PIP5K1B: variants seen among roughly 807,000 people sequenced by gnomAD.
PIP5K1B encodes phosphatidylinositol-4-phosphate 5-kinase type 1 beta, also known as phosphatidylinositol 4-phosphate 5-kinase type-1 beta.
In PIP5K1B, 42 loss-of-function variants were observed where a neutral mutation model predicts 67.0. The observed-to-expected ratio is 0.63, with a 90% confidence interval of 0.49 to 0.81. The LOEUF is 0.81. Ranked by LOEUF, PIP5K1B falls within the 30% of genes least tolerant of loss-of-function variation. The pLI is 0.00. For missense variants in PIP5K1B, 459 were observed against 646.3 expected (o/e 0.71, Z 3.14); for synonymous variants, 214 against 231.4 (o/e 0.92, Z 0.68).
chr9:68,809,808 A>T (rs1833063961), intron 2 of PIP5K1B, among the ~76,000 whole-genome samples: 1 of 152,220 alleles, frequency 6.6e-6, no homozygotes, highest in African/African-American at 2.4e-5. Flanking sequence ...TGACTTATGC[A>T]GTTCCTCCTC....
At chr9:68,995,807 A>AC (rs1830580317) in intron 15 of PIP5K1B, among the ~76,000 whole-genome samples, 1 of 140,444 alleles carries the variant, frequency 7.1e-6, no homozygotes, top group Non-Finnish European at 1.5e-5. Context: ...CTCCGTCTCA[A>AC]AAAAAAAAAA....
rs371968567 is a variant in PIP5K1B at position 68,761,550 on chromosome 9, T to C, written c.-86+18893T>C. ...AAGGCCAAAATTGGTCTCACTGGACTAAAATTAAGATGTCTACAAGGCTGC... is the reference window on the plus strand; with the variant it reads ...AAGGCCAAAATTGGTCTCACTGGACCAAAATTAAGATGTCTACAAGGCTGC... On this transcript the variant is annotated intron_variant, in intron 2 of 15. Transcript: ENST00000265382. 2.1e-4 allele frequency among the ~76,000 whole-genome samples: 32 copies of C among 152,264 alleles called. 1 individual carries two copies. In the East Asian group the frequency reaches 6.0e-3, roughly 28 times the overall value.
chr9:68,875,004 A>G (rs1040072693), intron 5 of PIP5K1B, among the ~76,000 whole-genome samples: 1 of 152,086 alleles, frequency 6.6e-6, no homozygotes, highest in African/African-American at 2.4e-5. Flanking sequence ...GTCCCATGGG[A>G]TTTAATCCCC....
chr9:68,820,164 G>A (rs1300670431), intron 3 of PIP5K1B, among the ~76,000 whole-genome samples: 1 of 152,006 alleles, frequency 6.6e-6, no homozygotes, highest in East Asian at 1.9e-4. Context: ...CATTCTTTAG[G>A]GAGGTCTTCA....
chr9:68,958,231 C>T (rs971356575), intron 14 of PIP5K1B, among the ~76,000 whole-genome samples: 15 of 152,128 alleles, frequency 9.9e-5, no homozygotes, highest in Admixed American at 5.9e-4. Flanking sequence ...TCCTGAATCC[C>T]ATCACTACAG....
At chr9:68,864,260 G>A (rs1823252417) in intron 5 of PIP5K1B, among the ~76,000 whole-genome samples, 1 of 152,206 alleles carries the variant, frequency 6.6e-6, no homozygotes, top group South Asian at 2.1e-4. Context: ...GTGGGAAAGA[G>A]TGCAGTAATC....
At position 68,925,603 on chromosome 9, in the gene PIP5K1B, C is replaced by T. The variant is rs552966476; in HGVS notation, c.1201+2217C>T. Among the ~76,000 whole-genome samples, 11 of 151,924 alleles carry T rather than the reference C, an allele frequency of 7.2e-5. No homozygotes were observed. The South Asian group carries it at 1.3e-3, about 17-fold the overall frequency. On this transcript the variant is annotated intron_variant, in intron 12 of 15. Coordinates refer to ENST00000265382, the MANE Select transcript of PIP5K1B (RefSeq NM_003558.4). Reference sequence around the variant, plus strand: ...CAATTCCATGTATTAAAGATATTAACCCCTTTTTAAACCTTATTTCACTCT... The same window carrying T: ...CAATTCCATGTATTAAAGATATTAATCCCTTTTTAAACCTTATTTCACTCT...
At chr9:68,805,175 G>A (rs1231183221) in intron 2 of PIP5K1B, among the ~76,000 whole-genome samples, 1 of 152,228 alleles carries the variant, frequency 6.6e-6, no homozygotes, top group Admixed American at 6.5e-5. Context: ...ATTTGCAGAG[G>A]AAGGAGCCCT....
intron 7 of PIP5K1B, among the ~76,000 whole-genome samples, chr9:68,892,762 T>C (rs1824862836): frequency 6.6e-6 from 1 of 152,054 alleles, no homozygotes; most frequent in African/African-American, 2.4e-5. Flanking sequence ...TAAATAAACA[T>C]GACCACATCA....
At chr9:68,971,005 T>G (rs747437287) in intron 14 of PIP5K1B, among the ~76,000 whole-genome samples, 1 of 152,230 alleles carries the variant, frequency 6.6e-6, no homozygotes, top group Non-Finnish European at 1.5e-5. Flanking sequence ...TTTATTGATT[T>G]ATTTATTTTA....
intron 4 of PIP5K1B, among the ~76,000 whole-genome samples, chr9:68,837,910 T>G (rs1244526973): frequency 6.6e-6 from 1 of 152,016 alleles, no homozygotes; most frequent in African/African-American, 2.4e-5. Flanking sequence ...AGAAGCATCT[T>G]TAAACTTGTA....
At chr9:68,753,091 A>G (rs1829716709) in intron 2 of PIP5K1B, among the ~76,000 whole-genome samples, 1 of 152,116 alleles carries the variant, frequency 6.6e-6, no homozygotes, top group African/African-American at 2.4e-5. Flanking sequence ...CATATTTTCC[A>G]AAATGAATAG....
chr9:68,780,092 G>A, intron 2 of PIP5K1B: 64 of 1,355,924 alleles, frequency 4.7e-5, no homozygotes, highest in Middle Eastern at 2.8e-4. Flanking sequence ...GGCAGCGGCG[G>A]CGGCCCTGGA....
intron 14 of PIP5K1B, among the ~76,000 whole-genome samples, chr9:68,976,733 T>A (rs1210377441): frequency 3.9e-5 from 6 of 152,218 alleles, no homozygotes; most frequent in African/African-American, 1.4e-4. Flanking sequence ...CCTAGATCCC[T>A]CTCATGAGCA....
chr9:68,863,495 T>C (rs571499396), intron 4 of PIP5K1B, among the ~76,000 whole-genome samples: 3 of 152,348 alleles, frequency 2.0e-5, no homozygotes, highest in Admixed American at 6.5e-5. Context: ...TATTGGATGA[T>C]ATTAGAAAAG....
intron 14 of PIP5K1B, among the ~76,000 whole-genome samples, chr9:68,967,700 A>G (rs1039578034): frequency 9.8e-5 from 15 of 152,288 alleles, no homozygotes; most frequent in African/African-American, 2.9e-4. Flanking sequence ...CTTCTAGACA[A>G]TCTCAGACTC....
intron 4 of PIP5K1B, among the ~76,000 whole-genome samples, chr9:68,856,855 C>T (rs994603146): frequency 1.3e-5 from 2 of 152,122 alleles, no homozygotes; most frequent in African/African-American, 4.8e-5. Context: ...ATAATGGGAC[C>T]CCAAAGAGAT....
intron 14 of PIP5K1B, among the ~76,000 whole-genome samples, chr9:68,955,258 T>C (rs1188212588): frequency 6.6e-6 from 1 of 152,240 alleles, no homozygotes; most frequent in Non-Finnish European, 1.5e-5. Flanking sequence ...CAAGAAGGCA[T>C]TCCAAAAGTG....
At chr9:68,961,606 C>A (rs1035962022) in intron 14 of PIP5K1B, among the ~76,000 whole-genome samples, 1 of 152,116 alleles carries the variant, frequency 6.6e-6, no homozygotes, top group Non-Finnish European at 1.5e-5. Flanking sequence ...TGTCTTTCTT[C>A]TTGGGTTGAT....
Sources: gnomAD v4.1 joint callset for allele counts (sites outside exome capture counted in the v4.1 genomes callset) on GRCh38, gnomAD v4.1.1 for gene constraint, MANE v1.5 for transcripts, NCBI Gene and HGNC (gene_info 2026-07-23, HGNC 2026-07-21) for gene names.